The following PRELID2 variants were observed in gnomAD, a reference collection of about 807,000 sequenced individuals.
PRELID2 encodes the protein PRELI domain-containing protein 2.
Under a neutral mutation model 28.4 loss-of-function variants are expected in PRELID2, and 25 were observed. The ratio of observed to expected loss-of-function variants is 0.88; its 90% CI spans 0.64 to 1.23. PRELID2 has a LOEUF of 1.23. Among genes scored for constraint, PRELID2 ranks in the 50% most tolerant of loss-of-function variants. PRELID2 has a pLI of 0.00. For synonymous variants in PRELID2, 76 were observed against 71.6 expected (o/e 1.06, Z -0.31); for missense variants, 201 against 214.4 (o/e 0.94, Z 0.39).
At chr5:145,429,876 C>A in the PRELID2 span, 1 of 152,258 alleles carries the variant, frequency 6.6e-6, no homozygotes, top group Admixed American at 6.5e-5. Context: ...CCTGCCACCA[C>A]CACATATGTT....
At chr5:145,618,562 C>A (rs564232419) in intron 1 of PRELID2, among the ~76,000 whole-genome samples, 1 of 152,254 alleles carries the variant, frequency 6.6e-6, no homozygotes, top group African/African-American at 2.4e-5. Flanking sequence ...CCATGGATAC[C>A]AGCACCTGTT....
the PRELID2 span, among the ~76,000 whole-genome samples, chr5:145,452,638 T>C: frequency 5.3e-5 from 8 of 152,148 alleles, no homozygotes; most frequent in African/African-American, 1.9e-4. Context: ...TAAACGTCTT[T>C]TGGTTAGGGT....
intron 1 of PRELID2, among the ~76,000 whole-genome samples, chr5:145,698,642 T>C (rs368027733): frequency 1.1e-4 from 17 of 152,202 alleles, no homozygotes; most frequent in African/African-American, 4.1e-4. Context: ...TGAGCGTTCT[T>C]TAATGATGGC....
At chr5:145,595,458 C>A (rs1753291824) in intron 1 of PRELID2, among the ~76,000 whole-genome samples, 1 of 152,104 alleles carries the variant, frequency 6.6e-6, no homozygotes, top group South Asian at 2.1e-4. Context: ...CAGAAACTGG[C>A]AAAGCTCCAC....
At chr5:145,281,332 T>C in the PRELID2 span, among the ~76,000 whole-genome samples, 1 of 152,174 alleles carries the variant, frequency 6.6e-6, no homozygotes, top group Admixed American at 6.5e-5. Context: ...CCATGTAATC[T>C]ATAAATGGAG....
chr5:145,350,934 G>A, the PRELID2 span, among the ~76,000 whole-genome samples: 802 of 152,294 alleles, frequency 5.3e-3, 6 homozygotes, highest in African/African-American at 0.019. Flanking sequence ...TGATCATGAT[G>A]AAGATATTCT....
At chr5:145,418,106 C>T in the PRELID2 span, among the ~76,000 whole-genome samples, 7 of 150,054 alleles carry the variant, frequency 4.7e-5, no homozygotes, top group Non-Finnish European at 6.0e-5. Context: ...CAATAACAGG[C>T]AAGAGCCAAA....
chr5:145,484,782 T>G (rs1376997173), intron 1 of PRELID2, among the ~76,000 whole-genome samples: 1 of 152,230 alleles, frequency 6.6e-6, no homozygotes, highest in East Asian at 1.9e-4. Context: ...GTTCACTTAA[T>G]GTTCATTATC....
chr5:145,657,985 T>C (rs1754425111), intron 1 of PRELID2, among the ~76,000 whole-genome samples: 1 of 152,184 alleles, frequency 6.6e-6, no homozygotes. Context: ...ATAAATAACA[T>C]GCTCATAGAT....
chr5:145,265,858 C>T, the PRELID2 span, among the ~76,000 whole-genome samples: 1 of 152,190 alleles, frequency 6.6e-6, no homozygotes, highest in South Asian at 2.1e-4. Context: ...CATAAAAATT[C>T]TAGAAGATAA....
chr5:145,712,844 A>G (rs538544315), intron 1 of PRELID2, among the ~76,000 whole-genome samples: 1 of 152,248 alleles, frequency 6.6e-6, no homozygotes, highest in East Asian at 1.9e-4. Context: ...TTACTTATAT[A>G]TATAAATTCA....
At chr5:145,528,670 C>T (rs1281739598) in intron 1 of PRELID2, among the ~76,000 whole-genome samples, 3 of 147,048 alleles carry the variant, frequency 2.0e-5, no homozygotes, top group Non-Finnish European at 3.0e-5. Context: ...TGCTTTGGGC[C>T]GTTTCACTTC....
chr5:145,422,594 C>T, the PRELID2 span, among the ~76,000 whole-genome samples: 2 of 151,790 alleles, frequency 1.3e-5, no homozygotes, highest in Non-Finnish European at 2.9e-5. Flanking sequence ...CTTGGTAGAT[C>T]TTCCTCCATC....
chr5:145,821,355 G>A (rs1325260129), intron 2 of PRELID2, among the ~76,000 whole-genome samples: 1 of 151,318 alleles, frequency 6.6e-6, no homozygotes, highest in Admixed American at 6.6e-5. Context: ...AAGCCCTCGT[G>A]TTTGTGTGTG....
chr5:145,571,687 A>G (rs572064597), intron 1 of PRELID2, among the ~76,000 whole-genome samples: 1 of 152,106 alleles, frequency 6.6e-6, no homozygotes, highest in Non-Finnish European at 1.5e-5. Flanking sequence ...AAATATTTAC[A>G]ATCTATTTTT....
At chr5:145,590,888 A>G (rs1753217586) in intron 1 of PRELID2, among the ~76,000 whole-genome samples, 1 of 152,198 alleles carries the variant, frequency 6.6e-6, no homozygotes, top group African/African-American at 2.4e-5. Context: ...GTCTAGACTC[A>G]TGGGAATATT....
At chr5:145,486,306 G>A (rs1178520714) in intron 1 of PRELID2, among the ~76,000 whole-genome samples, 1 of 152,164 alleles carries the variant, frequency 6.6e-6, no homozygotes, top group Non-Finnish European at 1.5e-5. Context: ...TTTCTCATTA[G>A]AGTCAGTAAG....
At chr5:145,807,703 C>T (rs533582952) in intron 4 of PRELID2, among the ~76,000 whole-genome samples, 1 of 152,232 alleles carries the variant, frequency 6.6e-6, no homozygotes, top group Non-Finnish European at 1.5e-5. Flanking sequence ...TCCTTTCCTA[C>T]CCACAACCCC....
At chr5:145,530,900 G>A (rs1752649716) in intron 1 of PRELID2, among the ~76,000 whole-genome samples, 1 of 152,000 alleles carries the variant, frequency 6.6e-6, no homozygotes, top group Non-Finnish European at 1.5e-5. Context: ...CTTGAGTGGA[G>A]AAAAAATGGG....
Sources: gnomAD v4.1 joint callset for allele counts (sites outside exome capture counted in the v4.1 genomes callset) on GRCh38, gnomAD v4.1.1 for gene constraint, MANE v1.5 for transcripts, NCBI Gene and HGNC (gene_info 2026-07-23, HGNC 2026-07-21) for gene names.